TOX3: variants seen among roughly 807,000 people sequenced by gnomAD.
TOX3 encodes CAG trinucleotide repeat-containing gene F9 protein.
Under a neutral mutation model 64.3 loss-of-function variants are expected in TOX3, and 22 were observed. The observed-to-expected ratio is 0.34, with a 90% confidence interval of 0.24 to 0.49. TOX3 has a LOEUF of 0.49. Among genes scored for constraint, TOX3 ranks in the 20% least tolerant of loss-of-function variants. The pLI is 0.99. For missense variants in TOX3, 661 were observed against 714.4 expected (o/e 0.93, Z 0.85); for synonymous variants, 291 against 273.6 (o/e 1.06, Z -0.63).
intron 1 of TOX3, among the ~76,000 whole-genome samples, chr16:52,524,531 T>C (rs1419396838): frequency 1.3e-5 from 2 of 152,188 alleles, no homozygotes; most frequent in Non-Finnish European, 2.9e-5. Context: ...TGAAAAGATT[T>C]CAGCATTCAC....
intron 1 of TOX3, among the ~76,000 whole-genome samples, chr16:52,530,678 T>C (rs1193254212): frequency 2.0e-5 from 3 of 151,618 alleles, no homozygotes; most frequent in Non-Finnish European, 4.4e-5. Context: ...TTTTTCTAAC[T>C]ACACCCTTCT....
At chr16:52,449,347 C>T (rs1482729883) in intron 4 of TOX3, among the ~76,000 whole-genome samples, 2 of 152,144 alleles carry the variant, frequency 1.3e-5, no homozygotes, top group South Asian at 2.1e-4. Flanking sequence ...GCATGTACTT[C>T]CACTGTTCCT....
At chr16:52,469,498 A>G (rs1960974804) in intron 1 of TOX3, among the ~76,000 whole-genome samples, 1 of 152,202 alleles carries the variant, frequency 6.6e-6, no homozygotes, top group Non-Finnish European at 1.5e-5. Context: ...TTTAACTGGT[A>G]AAAGAATGTC....
At chr16:52,470,291 C>G (rs1036897350) in intron 1 of TOX3, among the ~76,000 whole-genome samples, 3 of 152,166 alleles carry the variant, frequency 2.0e-5, no homozygotes, top group Admixed American at 2.0e-4. Context: ...TTTATGAGAA[C>G]CTGGGCTCGA....
intron 3 of TOX3, among the ~76,000 whole-genome samples, 169 bp downstream of exon 3, chr16:52,463,765 T>C (rs962230344): frequency 1.2e-4 from 18 of 152,216 alleles, no homozygotes; most frequent in African/African-American, 4.1e-4. Context: ...ACCAACCCAA[T>C]ACCCCTTTGT....
intron 1 of TOX3, among the ~76,000 whole-genome samples, chr16:52,509,021 CATTTATTATTT>C (rs1445217986): frequency 1.3e-5 from 2 of 152,056 alleles, no homozygotes; most frequent in Admixed American, 1.3e-4. Flanking sequence ...CTTTATTATT[CATTTATTATTT>C]ATTACCCCAG....
At chr16:52,478,107 T>C (rs184030602) in intron 1 of TOX3, among the ~76,000 whole-genome samples, 15 of 152,346 alleles carry the variant, frequency 9.8e-5, no homozygotes, top group African/African-American at 3.1e-4. Context: ...TGCTATAGCT[T>C]ATATGACAGT....
intron 3 of TOX3, among the ~76,000 whole-genome samples, chr16:52,458,454 G>T (rs1960589664): frequency 6.6e-6 from 1 of 152,138 alleles, no homozygotes; most frequent in Non-Finnish European, 1.5e-5. Context: ...TCTTATGTGG[G>T]AATCTAAGTG....
chr16:52,536,902 C>T (rs919702087), intron 1 of TOX3, among the ~76,000 whole-genome samples: 1 of 150,942 alleles, frequency 6.6e-6, no homozygotes, highest in Admixed American at 6.6e-5. Context: ...CACATATTTA[C>T]ATATTTTATA....
At chr16:52,441,967 C>T (rs1260931250) in intron 6 of TOX3, among the ~76,000 whole-genome samples, 1 of 152,154 alleles carries the variant, frequency 6.6e-6, no homozygotes, top group African/African-American at 2.4e-5. Context: ...AAGTTGAATA[C>T]ACACAATAAA....
chr16:52,443,008 G>C (rs1960049448), intron 6 of TOX3, among the ~76,000 whole-genome samples: 2 of 152,126 alleles, frequency 1.3e-5, no homozygotes. Flanking sequence ...TGCCTTTTGA[G>C]ATACCGGATC....
intron 1 of TOX3, among the ~76,000 whole-genome samples, chr16:52,481,581 G>A (rs189609602): frequency 6.6e-6 from 1 of 152,118 alleles, no homozygotes; most frequent in Non-Finnish European, 1.5e-5. Context: ...TACATCTGAG[G>A]TCTATTAATG....
intron 3 of TOX3, among the ~76,000 whole-genome samples, chr16:52,456,876 G>A (rs200229464): frequency 6.6e-6 from 1 of 152,154 alleles, no homozygotes. Context: ...TTTAACTTAA[G>A]AAGGCAAAAG....
chr16:52,534,745 T>C (rs1455466876), intron 1 of TOX3, among the ~76,000 whole-genome samples: 1 of 152,040 alleles, frequency 6.6e-6, no homozygotes, highest in Non-Finnish European at 1.5e-5. Flanking sequence ...CTAGGTTTGA[T>C]CAAAAAGGAA....
At chr16:52,546,205 G>A (rs1269648352) in intron 1 of TOX3, among the ~76,000 whole-genome samples, 1 of 151,958 alleles carries the variant, frequency 6.6e-6, no homozygotes, top group Non-Finnish European at 1.5e-5. Flanking sequence ...GGTGGGGGAG[G>A]TAAGAAGGAC....
chr16:52,530,314 C>T (rs866794521), intron 1 of TOX3, among the ~76,000 whole-genome samples: 1 of 149,662 alleles, frequency 6.7e-6, no homozygotes, highest in Non-Finnish European at 1.5e-5. Context: ...TATCTGTTAA[C>T]TTAGGGTTGA....
At position 52,480,074 on chromosome 16, in the gene TOX3, G is replaced by C. The variant is rs144880893; in HGVS notation, c.88-11500C>G. Among the ~76,000 whole-genome samples the C allele has an allele frequency of 3.1e-3, 479 of 152,238 alleles. 3 individuals carry two copies. The highest frequency in any genetic ancestry group is 0.012 in the Admixed American group (177 of 15,292). On this transcript the variant is annotated intron_variant, in intron 1 of 6. Transcript: ENST00000219746. ...GTCTGTCTCCCTGCTACAGTCCTTGGGGGCAGAGGCAATGCCTCATTGGCC... is the reference window on the plus strand; with the variant it reads ...GTCTGTCTCCCTGCTACAGTCCTTGCGGGCAGAGGCAATGCCTCATTGGCC...
chr16:52,440,159 G>C (rs1959920380), intron 6 of TOX3, among the ~76,000 whole-genome samples, 191 bp from the exon 7 acceptor site: 1 of 152,016 alleles, frequency 6.6e-6, no homozygotes, highest in African/African-American at 2.4e-5. Flanking sequence ...ACCTCCTTGA[G>C]TCTGGGCTGC....
chr16:52,445,979 G>A lies in TOX3; in HGVS notation c.906+15C>T. 1 of 1,605,806 alleles carries A rather than the reference G, an allele frequency of 6.2e-7. No homozygotes were observed. Among genetic ancestry groups the A allele is most frequent in the East Asian group, 2.2e-5 (1 of 44,700 alleles). On this transcript the variant is annotated intron_variant, in intron 5 of 6. Transcript: ENST00000219746. The stretch of plus-strand genomic sequence containing the variant: ...TGAGGTTTATTGATGGAGCCTTGAT[G>A]GGTCTTTGTCTCACCTGCTTTTGTT...
Sources: gnomAD v4.1 joint callset for allele counts (sites outside exome capture counted in the v4.1 genomes callset) on GRCh38, gnomAD v4.1.1 for gene constraint, MANE v1.5 for transcripts, NCBI Gene and HGNC (gene_info 2026-07-23, HGNC 2026-07-21) for gene names.